The following HERC2 variants were observed in gnomAD, a reference collection of about 807,000 sequenced individuals.
HERC2 encodes the protein HECT and RLD domain containing E3 ubiquitin protein ligase 2.
In HERC2, 102 loss-of-function variants were observed where a neutral mutation model predicts 537.7. The ratio of observed to expected loss-of-function variants is 0.19; its 90% confidence interval spans 0.16 to 0.22. The LOEUF (loss-of-function observed/expected upper bound fraction) is 0.22. Among genes scored for constraint, HERC2 ranks in the 10% least tolerant of loss-of-function variants. The probability of loss-of-function intolerance (pLI) is 1.00; values close to 1 mark genes in which losing one functional copy is unlikely to be tolerated. For synonymous variants in HERC2, 2,224 were observed against 2,466.2 expected (o/e 0.90, Z 2.91); for missense variants, 4,236 against 6,198.2 (o/e 0.68, Z 10.63).
intron 79 of HERC2, among the ~76,000 whole-genome samples, chr15:28,135,041 G>A (rs1890488308): frequency 6.6e-6 from 1 of 152,086 alleles, no homozygotes; most frequent in Admixed American, 6.6e-5. Flanking sequence ...CTCCAATCTG[G>A]CTGGTAGTTC....
In HERC2 at chr15:28,176,677, A is replaced by G; in HGVS notation, c.9514+10T>C. On this transcript the variant is annotated intron_variant, in intron 62 of 92. Coordinates refer to ENST00000261609, the MANE Select transcript of HERC2 (RefSeq NM_004667.6). This position sits in a 1 kb window ranked among gnomAD's most constrained non-coding sequence, Gnocchi z 5.0. ...CCACCCAGAAGCACAGAATCCTGCC[A>G]GCCACTCACCTTCATCGGTCAGAGC... 6.2e-7 allele frequency: 1 copy of G among 1,614,068 alleles called. No individual in the cohort carries two copies. Among genetic ancestry groups the G allele is most frequent in the Non-Finnish European group, 8.5e-7 (1 of 1,179,974 alleles).
Position 28,130,226 on chromosome 15 carries a change from G to C in HERC2, c.12739C>G (p.Gln4247Glu). 1.2e-6 allele frequency: 2 copies of C among 1,614,152 alleles called. No individual in the cohort carries two copies. Among genetic ancestry groups the C allele is most frequent in the Admixed American group, 1.7e-5 (1 of 60,014 alleles). The part of the protein sequence containing the change: ...VRRPRQVQGL[Q>E]GKKVIAIATG... ...GCGATGGCGATGACTTTCTTCCCCT[G>C]CAACCCTTGGACCTGCCGAGGCCTT... The change falls in exon 83 of 93, where the codon CAG becomes GAG. Residue 4247 changes from glutamine to glutamate, a missense_variant. Gln to Glu is a conservative substitution (Grantham distance 29). This residue lies in a region of HERC2 where 189 missense variants were observed against 255.7 expected (regional missense o/e 0.74). Transcript: ENST00000261609.
At chr15:28,223,530 G>A (rs1423029439) in intron 35 of HERC2, among the ~76,000 whole-genome samples, 1 of 152,080 alleles carries the variant, frequency 6.6e-6, no homozygotes, top group Non-Finnish European at 1.5e-5. Flanking sequence ...CCAGGAAGGG[G>A]CCCCAAGGAA....
chr15:28,187,673 T>C (rs1398390845), intron 55 of HERC2, among the ~76,000 whole-genome samples: 1 of 152,156 alleles, frequency 6.6e-6, no homozygotes, highest in Non-Finnish European at 1.5e-5. Context: ...CGCATTGCTA[T>C]TATCATAGCA....
At chr15:28,295,426 G>C (rs941430253) in intron 3 of HERC2, among the ~76,000 whole-genome samples, 39 of 152,138 alleles carry the variant, frequency 2.6e-4, no homozygotes, top group African/African-American at 9.4e-4. Flanking sequence ...TTTTACTTTT[G>C]TTGTTCTTTT....
chr15:28,166,240 T>G (rs1195189199), intron 68 of HERC2, among the ~76,000 whole-genome samples: 2 of 152,202 alleles, frequency 1.3e-5, no homozygotes, highest in Non-Finnish European at 2.9e-5. Context: ...CCGTATCCCT[T>G]ATGAATACAG....
intron 2 of HERC2, among the ~76,000 whole-genome samples, chr15:28,320,615 G>A (rs1245148848): frequency 6.6e-6 from 1 of 151,932 alleles, no homozygotes; most frequent in Non-Finnish European, 1.5e-5. Context: ...TAGGGAGTAG[G>A]AAAATACAGA....
At chr15:28,120,587 C>A (rs7183877) in intron 86 of HERC2, among the ~76,000 whole-genome samples, 16,221 of 152,198 alleles carry the variant, frequency 0.11, 1,196 homozygotes, top group East Asian at 0.29. Flanking sequence ...TAGAAATGGT[C>A]TACTTGTCGT....
rs150040527 is a variant in HERC2 at position 28,316,192 on chromosome 15, C to T, written c.72+5170G>A. ...GAGCTGAGATACTGCTACTGTACTCCAACCTGGGCAACAGAGTGAGACTCT... is the reference window on the plus strand; with the variant it reads ...GAGCTGAGATACTGCTACTGTACTCTAACCTGGGCAACAGAGTGAGACTCT... On this transcript the variant is annotated intron_variant, in intron 2 of 92. Transcript: ENST00000261609. The T allele has an allele frequency of 3.6e-3, 501 of 139,976 alleles. 2 individuals are homozygous for T. Among genetic ancestry groups the T allele is most frequent in the African/African-American group, 0.014 (470 of 34,676 alleles). 8.7% of individuals were successfully genotyped at this position (139,976 alleles called of 1,614,324 possible).
intron 52 of HERC2, among the ~76,000 whole-genome samples, chr15:28,193,536 T>C (rs967204015): frequency 1.2e-4 from 19 of 152,016 alleles, no homozygotes; most frequent in African/African-American, 9.7e-5. Flanking sequence ...GAAAAGAGAA[T>C]AGAGCAGAGG....
chr15:28,184,766 GC>G (rs1454461088), intron 56 of HERC2, among the ~76,000 whole-genome samples: 1 of 151,588 alleles, frequency 6.6e-6, no homozygotes. Context: ...GGAGGCTGAG[GC>G]AGGAGAATGG....
In HERC2 at chr15:28,176,753, C is replaced by G; in HGVS notation, c.9448G>C (p.Gly3150Arg). 1 of 1,613,850 alleles carries G rather than the reference C, an allele frequency of 6.2e-7. No homozygotes were observed. The highest frequency in any genetic ancestry group is 2.2e-5 in the East Asian group (1 of 44,880). ...CATGCAACCTGGATTACTCTGTGAC[C>G]GAGAAGGACTTTCACCTACTCAATT... ...LKPKMVKVLL[G>R]HRVIQVACGS... The change falls in exon 62 of 93, where the codon GGT becomes CGT. Residue 3150 changes from glycine to arginine, a missense_variant. Gly to Arg is a moderately radical substitution (Grantham distance 125, BLOSUM62 -2). Transcript: ENST00000261609. This position sits in a 1 kb window ranked among gnomAD's most constrained non-coding sequence, Gnocchi z 5.0.
intron 38 of HERC2, among the ~76,000 whole-genome samples, chr15:28,217,716 T>C (rs888731568): frequency 1.3e-5 from 2 of 152,186 alleles, no homozygotes; most frequent in African/African-American, 4.8e-5. Context: ...GGTGACATCA[T>C]GTTGGATTAG....
Position 28,214,163 on chromosome 15 carries a change from C to A in HERC2, c.6468G>T (p.Leu2156=), listed in dbSNP as rs770379350. ...VVALLRTLHS[L]TQWNGLINKY... Reference sequence around the variant, plus strand: ...TGTTGATGAGCCCATTCCACTGAGTCAGGGAGTGCAGCGTGCGCAGCAGTG... The same window carrying A: ...TGTTGATGAGCCCATTCCACTGAGTAAGGGAGTGCAGCGTGCGCAGCAGTG... The change falls in exon 41 of 93, where the codon CTG becomes CTT. Residue 2156 remains leucine, a synonymous_variant. Transcript: ENST00000261609. 6.2e-7 allele frequency: 1 copy of A among 1,613,602 alleles called. No individual in the cohort carries two copies. The highest frequency in any genetic ancestry group is 2.2e-5 in the East Asian group (1 of 44,874).
chr15:28,125,889 G>GC (rs1889423646), intron 83 of HERC2, among the ~76,000 whole-genome samples: 1 of 152,128 alleles, frequency 6.6e-6, no homozygotes, highest in African/African-American at 2.4e-5. Context: ...CAAGCTCACC[G>GC]CAACCTCCGC....
rs1350160783 is a variant in HERC2 at position 28,113,439 on chromosome 15, G to A, written c.14019+134C>T. 1.9e-6 allele frequency: 2 copies of A among 1,051,994 alleles called. No homozygotes were observed. The highest frequency in any genetic ancestry group is 1.6e-5 in the African/African-American group (1 of 63,702). 65.2% of individuals were successfully genotyped at this position (1,051,994 alleles called of 1,614,324 possible). ...CACACACAGCCTCCTGCAGGCGGGTGGAGGGACGCGCTCAGAGTGCACTCC... is the reference window on the plus strand; with the variant it reads ...CACACACAGCCTCCTGCAGGCGGGTAGAGGGACGCGCTCAGAGTGCACTCC... On this transcript the variant is annotated intron_variant, in intron 91 of 92. Transcript: ENST00000261609. This position sits in a 1 kb window ranked among gnomAD's most constrained non-coding sequence, Gnocchi z 7.0.
At chr15:28,115,282 C>A in intron 89 of HERC2, 147 bp downstream of exon 89, 5 of 279,570 alleles carry the variant, frequency 1.8e-5, no homozygotes, top group South Asian at 1.0e-4. Flanking sequence ...TTTTTTTTTG[C>A]TACTCAAAGG....
Position 28,271,027 on chromosome 15 carries a change from C to A in HERC2, c.1084-159G>T, listed in dbSNP as rs553209055. Among the ~76,000 whole-genome samples the A allele has an allele frequency of 2.0e-5, 3 of 152,290 alleles. No homozygotes were observed. The East Asian group carries it at 5.8e-4, about 29-fold the overall frequency. On this transcript the variant is annotated intron_variant, in intron 9 of 92. Transcript: ENST00000261609. ...TATACTATACATCTATATATTTATG[C>A]AGCATATAAACTGACTGTGTAAATG... is the stretch of plus-strand genomic sequence containing the variant.
chr15:28,113,453 A>G lies in HERC2; in HGVS notation c.14019+120T>C, dbSNP rs1887875406. The G allele has an allele frequency of 6.6e-6, 7 of 1,067,856 alleles. No individual in the cohort carries two copies. The East Asian group carries it at 1.5e-4, about 23-fold the overall frequency. The allele number at this position is 1,067,856 out of a possible 1,614,324, so 66.1% of individuals were successfully genotyped here. On this transcript the variant is annotated intron_variant, in intron 91 of 92. Coordinates refer to ENST00000261609, the MANE Select transcript of HERC2 (RefSeq NM_004667.6). The surrounding 1 kb of genome is among the most constrained non-coding windows in gnomAD (Gnocchi z 7.0). ...TGCAGGCGGGTGGAGGGACGCGCTC[A>G]GAGTGCACTCCCTTCAGTCAACACA...
Sources: gnomAD v4.1 joint callset for allele counts (sites outside exome capture counted in the v4.1 genomes callset) on GRCh38, gnomAD v4.1.1 for gene constraint, gnomAD v4.1.1 regional missense constraint, Gnocchi (gnomAD v3.1) non-coding constraint, MANE v1.5 for transcripts, NCBI Gene and HGNC (gene_info 2026-07-23, HGNC 2026-07-21) for gene names.